Variants in CPAMD8 observed in about 807,000 individuals in gnomAD.
The protein encoded by CPAMD8 is C3 and PZP like alpha-2-macroglobulin domain containing 8.
Under a neutral mutation model 224.7 loss-of-function variants are expected in CPAMD8, and 146 were observed. The observed-to-expected ratio is 0.65, with a 90% CI of 0.57 to 0.75. The LOEUF (loss-of-function observed/expected upper bound fraction) is 0.75, where lower values mean the gene tolerates loss of function less well. Ranked by LOEUF, CPAMD8 falls within the 30% of genes least tolerant of loss-of-function variation. CPAMD8 has a pLI of 0.00. For missense variants in CPAMD8, 2,301 were observed against 2,537.5 expected, an observed-to-expected ratio of 0.91 and a Z score of 2.00; for synonymous variants, 966 against 1,044.6, an observed-to-expected ratio of 0.92 and a Z score of 1.45.
At chr19:16,916,845 C>G (rs2052980459) in intron 27 of CPAMD8, among the ~76,000 whole-genome samples, 1 of 152,208 alleles carries the variant, frequency 6.6e-6, no homozygotes, top group Non-Finnish European at 1.5e-5. Context: ...CCTCTTCTTT[C>G]TATTCCCATG....
At position 16,893,425 on chromosome 19, in the gene CPAMD8, G is replaced by A. The variant is rs377542291; in HGVS notation, c.5427-86C>T. ...TGAGGAAGGAGCCACAGGGCCTGTC[G>A]CTTGTAGGGTGCCAGGGGTGGGGAA... On this transcript the variant is annotated intron_variant, in intron 41 of 41. Transcript: ENST00000443236. 122 of 942,498 alleles carry A rather than the reference G, an allele frequency of 1.3e-4. No individual in the cohort carries two copies. The African/African-American group carries it at 1.8e-3, about 14-fold the overall frequency. 58.4% of individuals were successfully genotyped at this position (942,498 alleles called of 1,614,324 possible).
intron 9 of CPAMD8, among the ~76,000 whole-genome samples, chr19:17,001,700 G>A (rs1442162393): frequency 6.6e-6 from 1 of 151,762 alleles, no homozygotes; most frequent in Admixed American, 6.6e-5. Context: ...AGGGAGCGGG[G>A]CACAGGGCAC....
intron 22 of CPAMD8, among the ~76,000 whole-genome samples, chr19:16,939,876 T>TTTG (rs746563623): frequency 8.6e-5 from 13 of 151,992 alleles, no homozygotes; most frequent in South Asian, 2.1e-4. Context: ...CTTTAGCTTT[T>TTTG]TTGTTGTTGT....
chr19:16,919,716 CA>C lies in CPAMD8; in HGVS notation c.3629+2188del, dbSNP rs374328587. Among the ~76,000 whole-genome samples the C allele has an allele frequency of 2.2e-3, 328 of 152,306 alleles. 1 individual carries two copies. Among genetic ancestry groups the C allele is most frequent in the African/African-American group, 7.6e-3 (315 of 41,564 alleles). ...GCAGCGAGGACCTGGAGGTAGGAAC[CA>C]TGTGTTCCTTTTTCCCCCAGGATGA... On this transcript the variant is annotated intron_variant, in intron 27 of 41. Transcript: ENST00000443236.
chr19:16,987,473 T>C (rs542455215), intron 13 of CPAMD8, among the ~76,000 whole-genome samples: 4 of 151,828 alleles, frequency 2.6e-5, no homozygotes, highest in Non-Finnish European at 2.9e-5. Flanking sequence ...GTCAAGATAT[T>C]TTCTCTTCTT....
rs3745337 is a variant in CPAMD8, at chr19:16,997,015, G to A, written c.1095+96C>T. 0.35 allele frequency: 278,770 copies of A among 785,600 alleles called. 51,165 individuals carry two copies. Among genetic ancestry groups the A allele is most frequent in the East Asian group, 0.49 (19,609 of 39,774 alleles). The allele number at this position is 785,600 out of a possible 1,614,324, so 48.7% of individuals were successfully genotyped here. ...CCGCAAAGGTTATGTCAGGGGATCC[G>A]TTTTCAGCTGAGTCACCACTGCAGA... On this transcript the variant is annotated intron_variant, in intron 11 of 41. Coordinates refer to ENST00000443236, the MANE Select transcript of CPAMD8 (RefSeq NM_015692.5).
At chr19:16,937,023 T>C (rs2053708791) in intron 23 of CPAMD8, among the ~76,000 whole-genome samples, 1 of 149,510 alleles carries the variant, frequency 6.7e-6, no homozygotes. Context: ...TTCCTTTCCT[T>C]CCCTTCCTCT....
intron 18 of CPAMD8, among the ~76,000 whole-genome samples, chr19:16,966,620 T>C (rs1413999432): frequency 6.6e-6 from 1 of 152,032 alleles, no homozygotes; most frequent in Non-Finnish European, 1.5e-5. Flanking sequence ...ATCCAAAATC[T>C]ACAAAGAACT....
chr19:16,998,447 G>A (rs1382807732), intron 10 of CPAMD8, among the ~76,000 whole-genome samples: 1 of 152,148 alleles, frequency 6.6e-6, no homozygotes, highest in Non-Finnish European at 1.5e-5. Flanking sequence ...GAGACAGAGA[G>A]AGACTCCATC....
chr19:16,955,262 T>A lies in CPAMD8; in HGVS notation c.2276+2591A>T, dbSNP rs974465453. Among the ~76,000 whole-genome samples the A allele has an allele frequency of 7.3e-5, 11 of 149,912 alleles. 1 individual carries two copies. Among genetic ancestry groups the A allele is most frequent in the African/African-American group, 2.7e-4 (11 of 40,630 alleles). On this transcript the variant is annotated intron_variant, in intron 19 of 41. Transcript: ENST00000443236. The stretch of plus-strand genomic sequence containing the variant: ...GTGAGCCGAGATTGTGCCACTGCAC[T>A]CCAGCCTGGTGACAGAGCAAGACTC...
At chr19:16,993,794 C>T (rs1438038976) in intron 11 of CPAMD8, among the ~76,000 whole-genome samples, 4 of 152,146 alleles carry the variant, frequency 2.6e-5, no homozygotes, top group Admixed American at 2.6e-4. Context: ...CTCACAGGTC[C>T]AGGAGTGGTG....
intron 18 of CPAMD8, among the ~76,000 whole-genome samples, chr19:16,960,662 G>A (rs1244903636): frequency 6.6e-6 from 1 of 151,992 alleles, no homozygotes; most frequent in Non-Finnish European, 1.5e-5. Context: ...AGCACTTCGG[G>A]AGACTGAGGT....
chr19:16,904,603 G>T, intron 30 of CPAMD8, 51 bp from the exon 31 acceptor site: 1 of 1,254,970 alleles, frequency 8.0e-7, no homozygotes. Context: ...TGTGTAGCCT[G>T]GCATCCCATG....
rs945142990 is a variant in CPAMD8, at chr19:16,893,504, C to T, written c.5427-165G>A. 27 of 580,438 alleles carry T rather than the reference C, an allele frequency of 4.7e-5. No individual in the cohort carries two copies. In the East Asian group the frequency reaches 4.7e-4, roughly 10 times the overall value. The allele number at this position is 580,438 out of a possible 1,614,324, so 36.0% of individuals were successfully genotyped here. On this transcript the variant is annotated intron_variant, in intron 41 of 41. Coordinates refer to ENST00000443236, the MANE Select transcript of CPAMD8 (RefSeq NM_015692.5). ...GATCTCACAGGCAGCGAGGGGCCTC[C>T]GTGCTGGCAGAGATCAGGGCTGAGC... is the stretch of plus-strand genomic sequence containing the variant.
At chr19:17,020,989 C>T (rs2056939590) in intron 2 of CPAMD8, among the ~76,000 whole-genome samples, 1 of 152,184 alleles carries the variant, frequency 6.6e-6, no homozygotes, top group African/African-American at 2.4e-5. Flanking sequence ...TAGGCCTTCC[C>T]CCTGGTCACA....
intron 12 of CPAMD8, 55 bp downstream of exon 12, chr19:16,993,361 G>A: frequency 1.3e-6 from 2 of 1,505,174 alleles, no homozygotes; most frequent in South Asian, 1.2e-5. Flanking sequence ...GCCTGGGGGA[G>A]GCCCCAAGTC....
At chr19:16,990,637 G>C (rs2055906422) in intron 12 of CPAMD8, among the ~76,000 whole-genome samples, 1 of 151,852 alleles carries the variant, frequency 6.6e-6, no homozygotes, top group Non-Finnish European at 1.5e-5. Flanking sequence ...GGCCAAGGTG[G>C]GCAGATCACG....
At chr19:17,000,598 T>G in intron 9 of CPAMD8, 76 bp from the exon 10 acceptor site, 1 of 725,756 alleles carries the variant, frequency 1.4e-6, no homozygotes, top group South Asian at 1.5e-5. Context: ...GAAGGCCAGG[T>G]TGACATAGTG....
chr19:17,004,785 G>A (rs1295686447), intron 7 of CPAMD8, among the ~76,000 whole-genome samples: 2 of 152,028 alleles, frequency 1.3e-5, no homozygotes, highest in Non-Finnish European at 2.9e-5. Context: ...CTGGGGTGGA[G>A]GTGTCCTGTG....
Sources: gnomAD v4.1 joint callset for allele counts (sites outside exome capture counted in the v4.1 genomes callset) on GRCh38, gnomAD v4.1.1 for gene constraint, MANE v1.5 for transcripts, NCBI Gene and HGNC (gene_info 2026-07-23, HGNC 2026-07-21) for gene names.